FBXL5: variants seen among roughly 807,000 people sequenced by gnomAD.
FBXL5 encodes the protein F-box/LRR-repeat protein 5.
FBXL5 carries 26 observed loss-of-function variants against 78.3 expected under a neutral mutation model. The ratio of observed to expected loss-of-function variants is 0.33; its 90% CI spans 0.24 to 0.46. FBXL5 has a LOEUF of 0.46. Ranked by LOEUF, FBXL5 falls within the 20% of genes least tolerant of loss-of-function variation. FBXL5 has a pLI of 1.00. For missense variants in FBXL5, 710 were observed against 829.2 expected (o/e 0.86, Z 1.77); for synonymous variants, 295 against 282.5 (o/e 1.04, Z -0.45).
chr4:15,628,297 A>G (rs1374820322), intron 6 of FBXL5, among the ~76,000 whole-genome samples: 1 of 152,198 alleles, frequency 6.6e-6, no homozygotes, highest in Non-Finnish European at 1.5e-5. Flanking sequence ...GATTCCACAT[A>G]ACTAAAAAGG....
intron 2 of FBXL5, among the ~76,000 whole-genome samples, chr4:15,642,782 C>G (rs914231396): frequency 6.6e-6 from 1 of 152,142 alleles, no homozygotes; most frequent in Non-Finnish European, 1.5e-5. Context: ...TCTTTACCAC[C>G]TCCTATTCAT....
At chr4:15,664,714 C>G (rs184750970), upstream of FBXL5, among the ~76,000 whole-genome samples, 8 of 151,810 alleles carry the variant, frequency 5.3e-5, no homozygotes, top group Non-Finnish European at 8.8e-5. Context: ...CCTGATACCA[C>G]GCCCGGCTAA....
chr4:15,680,621 A>T (rs1560256879), intron 1 of FBXL5, among the ~76,000 whole-genome samples: 1 of 152,136 alleles, frequency 6.6e-6, no homozygotes, highest in Admixed American at 6.5e-5. Context: ...GGTTGCAGTG[A>T]GCCGAGGCTG....
At chr4:15,678,568 G>C (rs1361889190) in intron 1 of FBXL5, among the ~76,000 whole-genome samples, 1 of 152,024 alleles carries the variant, frequency 6.6e-6, no homozygotes, top group Non-Finnish European at 1.5e-5. Context: ...AATAGTCCTT[G>C]TCTGAAATAT....
intron 9 of FBXL5, among the ~76,000 whole-genome samples, chr4:15,619,328 T>C (rs931323896): frequency 1.3e-5 from 2 of 152,164 alleles, no homozygotes; most frequent in African/African-American, 4.8e-5. Context: ...CTGAGTTCAG[T>C]AGCATATTAA....
intron 9 of FBXL5, among the ~76,000 whole-genome samples, chr4:15,621,073 T>A (rs1427994202): frequency 6.6e-6 from 1 of 152,168 alleles, no homozygotes; most frequent in Non-Finnish European, 1.5e-5. Context: ...ACCTCTATAT[T>A]TCTGTGTGTG....
At chr4:15,624,124 T>C in intron 9 of FBXL5, among the ~76,000 whole-genome samples, 1 of 152,108 alleles carries the variant, frequency 6.6e-6, no homozygotes. Context: ...GCACCCGGCC[T>C]GTAATAATTT....
chr4:15,659,537 T>C (rs567139179), upstream of FBXL5, among the ~76,000 whole-genome samples: 10 of 152,326 alleles, frequency 6.6e-5, no homozygotes, highest in Admixed American at 3.3e-4. Flanking sequence ...CTACGTTAAC[T>C]GTCCAAATAT....
intron 1 of FBXL5, among the ~76,000 whole-genome samples, chr4:15,648,030 T>G (rs1715548934): frequency 1.3e-5 from 2 of 152,166 alleles, no homozygotes; most frequent in African/African-American, 4.8e-5. Flanking sequence ...CAGTTACTTT[T>G]TTATTTTTTA....
upstream of FBXL5, among the ~76,000 whole-genome samples, chr4:15,660,073 A>AC (rs1717234880): frequency 1.3e-5 from 2 of 149,220 alleles, no homozygotes; most frequent in East Asian, 3.9e-4. Context: ...CTTCCTCCCT[A>AC]CCCCTGACAT....
chr4:15,641,808 C>T (rs1453444998), intron 2 of FBXL5, among the ~76,000 whole-genome samples: 3 of 152,072 alleles, frequency 2.0e-5, no homozygotes, highest in Non-Finnish European at 4.4e-5. Flanking sequence ...AGGCGGATCA[C>T]CTGAGGTCAG....
intron 1 of FBXL5, chr4:15,681,202 T>C (rs1241177841): frequency 6.6e-6 from 1 of 152,166 alleles, no homozygotes; most frequent in Non-Finnish European, 1.5e-5. Flanking sequence ...ACAATGCGAT[T>C]CTCTAAATAA....
At position 15,638,664 on chromosome 4, in the gene FBXL5, T is replaced by C; in HGVS notation, c.427A>G (p.Thr143Ala). Reference sequence around the variant, plus strand: ...TTAATATCCTTAAGCTCTTCATAGGTAAAATATTCCATTAACATGGGCTGA... The same window carrying C: ...TTAATATCCTTAAGCTCTTCATAGGCAAAATATTCCATTAACATGGGCTGA... ...VFQPMLMEYF[T>A]YEELKDIKKK... The change falls in exon 4 of 11, where the codon ACC becomes GCC. Residue 143 changes from threonine to alanine, a missense_variant. By Grantham distance (58) the Thr-to-Ala change is moderately conservative (BLOSUM62 0). Transcript: ENST00000341285. 4 of 1,600,864 alleles carry C rather than the reference T, an allele frequency of 2.5e-6. No homozygotes were observed. The highest frequency in any genetic ancestry group is 3.4e-6 in the Non-Finnish European group (4 of 1,176,268).
At chr4:15,669,922 G>A (rs145835021) in intron 1 of FBXL5, among the ~76,000 whole-genome samples, 71 of 152,200 alleles carry the variant, frequency 4.7e-4, no homozygotes, top group Middle Eastern at 3.4e-3. Flanking sequence ...TTAAAGGGGC[G>A]GTAATCACCC....
Position 15,605,711 on chromosome 4 carries a change from A to G in FBXL5, c.*12T>C. On this transcript the variant is annotated 3_prime_UTR_variant, in exon 11 of 11. Coordinates refer to ENST00000341285, the MANE Select transcript of FBXL5 (RefSeq NM_012161.4). Reference sequence around the variant, plus strand: ...CAGCTAAATGAAGTAGACAAAGATCAGAAGTCAAGGGTCATTCGCCAGAGC... The same window carrying G: ...CAGCTAAATGAAGTAGACAAAGATCGGAAGTCAAGGGTCATTCGCCAGAGC... 6.2e-7 allele frequency: 1 copy of G among 1,612,222 alleles called. No individual in the cohort carries two copies. The highest frequency in any genetic ancestry group is 8.5e-7 in the Non-Finnish European group (1 of 1,178,664).
chr4:15,620,578 T>C (rs868735232), intron 9 of FBXL5, among the ~76,000 whole-genome samples: 2 of 152,254 alleles, frequency 1.3e-5, no homozygotes, highest in South Asian at 2.1e-4. Flanking sequence ...CTGTTTAACA[T>C]AATGCTGGAA....
upstream of FBXL5, among the ~76,000 whole-genome samples, chr4:15,658,629 A>G (rs1717140593): frequency 6.6e-6 from 1 of 152,188 alleles, no homozygotes; most frequent in South Asian, 2.1e-4. Context: ...ACCAGAAAAA[A>G]GGCCCTCATC....
intron 1 of FBXL5, among the ~76,000 whole-genome samples, chr4:15,654,919 G>A (rs1163071060): frequency 6.6e-6 from 1 of 152,042 alleles, no homozygotes; most frequent in Non-Finnish European, 1.5e-5. Context: ...CCCGAGGGCG[G>A]CCAGTGACGC....
At chr4:15,618,893 G>A (rs879730439) in intron 9 of FBXL5, among the ~76,000 whole-genome samples, 20 of 150,860 alleles carry the variant, frequency 1.3e-4, no homozygotes, top group Admixed American at 1.1e-3. Context: ...AAGAGGGCTG[G>A]GTGTGGTGGC....
Sources: gnomAD v4.1 joint callset for allele counts (sites outside exome capture counted in the v4.1 genomes callset) on GRCh38, gnomAD v4.1.1 for gene constraint, MANE v1.5 for transcripts, NCBI Gene and HGNC (gene_info 2026-07-23, HGNC 2026-07-21) for gene names.